The following TMTC2 variants were observed in gnomAD, a reference collection of about 807,000 sequenced individuals.
TMTC2 encodes the protein transmembrane O-mannosyltransferase targeting cadherins 2.
Under a neutral mutation model 82.4 loss-of-function variants are expected in TMTC2, and 43 were observed. The ratio of observed to expected loss-of-function variants is 0.52; its 90% CI spans 0.41 to 0.67. The LOEUF (loss-of-function observed/expected upper bound fraction) is 0.67, where lower values mean the gene tolerates loss of function less well. Among genes scored for constraint, TMTC2 ranks in the 30% least tolerant of loss-of-function variants. The probability of loss-of-function intolerance (pLI) is 0.00; values close to 1 mark genes in which losing one functional copy is unlikely to be tolerated. For synonymous variants in TMTC2, 408 were observed against 381.9 expected (o/e 1.07, Z -0.80); for missense variants, 919 against 1,012.4 (o/e 0.91, Z 1.25).
intron 4 of TMTC2, among the ~76,000 whole-genome samples, chr12:82,956,332 A>G (rs896573435): frequency 4.6e-5 from 7 of 152,138 alleles, no homozygotes; most frequent in African/African-American, 1.7e-4. Context: ...CTTCAAGAGA[A>G]ACATCTCACA....
rs187053078 is a variant in TMTC2, at chr12:83,099,568, G to A, written c.2332-32642G>A. Among the ~76,000 whole-genome samples the A allele has an allele frequency of 2.9e-3, 447 of 151,862 alleles. 2 individuals are homozygous for A. The highest frequency in any genetic ancestry group is 0.01 in the African/African-American group (425 of 41,444). ...AGTGTATAAGCCAGATTTCAGTTTCGTGCTTAAGAAATATGTTTGTATATG... is the reference window on the plus strand; with the variant it reads ...AGTGTATAAGCCAGATTTCAGTTTCATGCTTAAGAAATATGTTTGTATATG... On this transcript the variant is annotated intron_variant, in intron 11 of 11. Transcript: ENST00000321196.
intron 1 of TMTC2, among the ~76,000 whole-genome samples, chr12:82,736,395 A>G (rs1373115005): frequency 6.6e-6 from 1 of 152,164 alleles, no homozygotes; most frequent in Non-Finnish European, 1.5e-5. Flanking sequence ...TTCCAGTATT[A>G]GTAAAGTCCC....
chr12:82,928,434 A>T (rs1423674515), intron 3 of TMTC2, among the ~76,000 whole-genome samples: 1 of 152,154 alleles, frequency 6.6e-6, no homozygotes, highest in Non-Finnish European at 1.5e-5. Context: ...GTTTGAAGAT[A>T]ATTATAATTT....
intron 4 of TMTC2, among the ~76,000 whole-genome samples, chr12:82,948,166 G>C (rs1043095295): frequency 1.5e-4 from 23 of 152,162 alleles, no homozygotes; most frequent in African/African-American, 5.6e-4. Flanking sequence ...AGAAGTTCAA[G>C]ACCAGCCTGG....
At chr12:82,930,572 G>T (rs767944464) in intron 4 of TMTC2, 27 bp downstream of exon 4, 3 of 1,496,640 alleles carry the variant, frequency 2.0e-6, no homozygotes, top group South Asian at 2.4e-5. Flanking sequence ...TCTCTGGTTT[G>T]GTTCGTCTTT....
At chr12:82,749,268 G>GGGAAAAAT (rs1875851137) in intron 1 of TMTC2, among the ~76,000 whole-genome samples, 1 of 152,134 alleles carries the variant, frequency 6.6e-6, no homozygotes, top group African/African-American at 2.4e-5. Flanking sequence ...GAATCACACT[G>GGGAAAAAT]GCTTCTCCTG....
chr12:83,049,767 G>A (rs7316579), intron 9 of TMTC2, among the ~76,000 whole-genome samples: 121,591 of 152,196 alleles, frequency 0.8, 48,681 homozygotes, highest in East Asian at 0.9. Flanking sequence ...GAACTAGTTT[G>A]CATTCCCACC....
rs578041073 is a variant in TMTC2, at chr12:82,856,917, A to G, written c.84-93A>G. Reference sequence around the variant, plus strand: ...CCCATCACAAAGCTACATAGTAACAAAGCTTCTGAGAAAGGCAGTATCTTA... The same window carrying G: ...CCCATCACAAAGCTACATAGTAACAGAGCTTCTGAGAAAGGCAGTATCTTA... On this transcript the variant is annotated intron_variant, in intron 1 of 11. Transcript: ENST00000321196. The G allele has an allele frequency of 1.3e-5, 16 of 1,247,966 alleles. No individual in the cohort carries two copies. The Admixed American group carries it at 1.3e-4, about 10-fold the overall frequency. 77.3% of individuals were successfully genotyped at this position (1,247,966 alleles called of 1,614,324 possible).
intron 2 of TMTC2, among the ~76,000 whole-genome samples, chr12:82,878,857 G>C (rs1872696391): frequency 6.6e-6 from 1 of 152,092 alleles, no homozygotes; most frequent in Admixed American, 6.6e-5. Context: ...GGGTAACATA[G>C]CAAGGCCCTG....
chr12:82,884,099 C>T (rs1872970261), intron 2 of TMTC2, among the ~76,000 whole-genome samples: 1 of 152,128 alleles, frequency 6.6e-6, no homozygotes, highest in African/African-American at 2.4e-5. Context: ...CTATGGCACA[C>T]CCCTTGCAGT....
chr12:82,985,682 C>A (rs1226229002), intron 7 of TMTC2, among the ~76,000 whole-genome samples: 3 of 152,120 alleles, frequency 2.0e-5, no homozygotes, highest in African/African-American at 7.2e-5. Context: ...AAAATCAAAG[C>A]TTTACTACTT....
At chr12:82,705,004 A>G (rs1873277784) in intron 1 of TMTC2, among the ~76,000 whole-genome samples, 1 of 152,226 alleles carries the variant, frequency 6.6e-6, no homozygotes. Context: ...AATATTACTC[A>G]GCCATAAAAA....
At chr12:82,793,088 C>T (rs949846543) in intron 1 of TMTC2, among the ~76,000 whole-genome samples, 1 of 152,084 alleles carries the variant, frequency 6.6e-6, no homozygotes, top group Non-Finnish European at 1.5e-5. Flanking sequence ...GTAACCACTG[C>T]AGGGTTTAAT....
chr12:83,052,033 A>G (rs991326517), intron 10 of TMTC2, among the ~76,000 whole-genome samples: 1 of 152,114 alleles, frequency 6.6e-6, no homozygotes, highest in Admixed American at 6.6e-5. Context: ...TCTTACTTGA[A>G]TATCACTTCA....
At position 82,965,023 on chromosome 12, in the gene TMTC2, G is replaced by C; in HGVS notation, c.1599-1G>C. ...TCTAAATTTCTGTTTTCCTCATGCAGAGGGCTACTTCTCCAGGAGAACAGC... is the reference window on the plus strand; with the variant it reads ...TCTAAATTTCTGTTTTCCTCATGCACAGGGCTACTTCTCCAGGAGAACAGC... On this transcript the variant is annotated splice_acceptor_variant, in intron 4 of 11. Transcript: ENST00000321196. LOFTEE classifies it high-confidence loss of function. The C allele has an allele frequency of 6.2e-7, 1 of 1,609,020 alleles. No individual in the cohort carries two copies. Among genetic ancestry groups the C allele is most frequent in the Non-Finnish European group, 8.5e-7 (1 of 1,177,574 alleles).
intron 1 of TMTC2, among the ~76,000 whole-genome samples, chr12:82,805,113 A>G (rs1022801711): frequency 1.3e-5 from 2 of 152,096 alleles, no homozygotes; most frequent in African/African-American, 4.8e-5. Context: ...ATTTGTCCCT[A>G]TTGGCTAGCA....
intron 2 of TMTC2, 40 bp downstream of exon 2, chr12:82,857,620 A>C (rs1280457956): frequency 6.5e-7 from 1 of 1,529,518 alleles, no homozygotes; most frequent in African/African-American, 1.4e-5. Context: ...ATTACTGAGT[A>C]ATCTACTTGC....
chr12:82,819,373 A>C (rs1278080746), intron 1 of TMTC2, among the ~76,000 whole-genome samples: 2 of 151,956 alleles, frequency 1.3e-5, no homozygotes, highest in Non-Finnish European at 2.9e-5. Context: ...CATGGCTCTG[A>C]GATCCTTTTT....
intron 11 of TMTC2, among the ~76,000 whole-genome samples, chr12:83,064,705 A>G (rs1281584585): frequency 6.6e-6 from 1 of 151,882 alleles, no homozygotes; most frequent in Non-Finnish European, 1.5e-5. Flanking sequence ...CAAGATAGTA[A>G]TATAAATTTC....
Sources: gnomAD v4.1 joint callset for allele counts (sites outside exome capture counted in the v4.1 genomes callset) on GRCh38, gnomAD v4.1.1 for gene constraint, MANE v1.5 for transcripts, NCBI Gene and HGNC (gene_info 2026-07-23, HGNC 2026-07-21) for gene names.